The following NABP2 variants were observed in gnomAD, a reference collection of about 807,000 sequenced individuals.
NABP2 encodes nucleic acid binding protein 2.
NABP2 carries 7 observed loss-of-function variants against 22.7 expected under a neutral mutation model. The ratio of observed to expected loss-of-function variants is 0.31; its 90% CI spans 0.18 to 0.58. The LOEUF is 0.58. NABP2 is among the 20% of genes least tolerant of loss of function. The probability of loss-of-function intolerance (pLI) is 0.89; values close to 1 mark genes in which losing one functional copy is unlikely to be tolerated. For synonymous variants in NABP2, 107 were observed against 99.2 expected (o/e 1.08, Z -0.47); for missense variants, 188 against 265.9 (o/e 0.71, Z 2.04).
chr12:56,229,087 T>TTGGGGGCCCCCCC lies in NABP2; in HGVS notation c.510_511insTGGGGGCCCCCCC (p.Pro171TrpfsTer34). The TTGGGGGCCCCCCC allele has an allele frequency of 6.6e-7, 1 of 1,512,344 alleles. No homozygotes were observed. The highest frequency in any genetic ancestry group is 9.1e-7 in the Non-Finnish European group (1 of 1,102,012). 93.7% of individuals were successfully genotyped at this position (1,512,344 alleles called of 1,614,324 possible). On this transcript the variant is annotated frameshift_variant, in exon 7 of 7. Transcript: ENST00000267023. LOFTEE classifies it high-confidence loss of function. ...GTGGTGGCCCACATCCCCCTCATAC[T>TTGGGGGCCCCCCC]CCCTCCCACCCACCCAGCACCCGAA...
chr12:56,229,087 T>TTGGC lies in NABP2; in HGVS notation c.510_511insTGGC (p.Pro171TrpfsTer31). On this transcript the variant is annotated frameshift_variant, in exon 7 of 7. Coordinates refer to ENST00000267023, the MANE Select transcript of NABP2 (RefSeq NM_024068.4). LOFTEE classifies it high-confidence loss of function. Reference sequence around the variant, plus strand: ...GTGGTGGCCCACATCCCCCTCATACTCCCTCCCACCCACCCAGCACCCGAA... The same window carrying TTGGC: ...GTGGTGGCCCACATCCCCCTCATACTTGGCCCCTCCCACCCACCCAGCACCCGAA... 25 of 1,512,208 alleles carry TTGGC rather than the reference T, an allele frequency of 1.7e-5. No individual in the cohort carries two copies. Among genetic ancestry groups the TTGGC allele is most frequent in the East Asian group, 2.3e-5 (1 of 43,520 alleles). The allele number at this position is 1,512,208 out of a possible 1,614,324, so 93.7% of individuals were successfully genotyped here. A position where few individuals can be genotyped will look rare whatever the true frequency, so the allele number is the denominator to read the frequency against.
intron 3 of NABP2, 30 bp from the exon 4 acceptor site, chr12:56,225,594 A>T: frequency 6.2e-7 from 1 of 1,614,156 alleles, no homozygotes; most frequent in Non-Finnish European, 8.5e-7. Context: ...ACTTCTGAGT[A>T]CTGAATTTTG....
intron 2 of NABP2, among the ~76,000 whole-genome samples, chr12:56,225,172 A>G (rs1006996692): frequency 6.6e-6 from 1 of 151,994 alleles, no homozygotes; most frequent in African/African-American, 2.4e-5. Context: ...GGCCCTCTCC[A>G]TGGTGCTGGC....
upstream of NABP2, among the ~76,000 whole-genome samples, chr12:56,223,017 C>G (rs1371387620): frequency 6.6e-6 from 1 of 152,104 alleles, no homozygotes; most frequent in African/African-American, 2.4e-5. Context: ...TGGTGGATCA[C>G]GAGGTCAGGA....
At position 56,229,162 on chromosome 12, in the gene NABP2, C is replaced by T. The variant is rs768008120; in HGVS notation, c.585C>T (p.Ser195=). Residue 195 remains serine (S), a synonymous_variant, in exon 7 of 7, where the codon TCC becomes TCT. Transcript: ENST00000267023. ...CACCTGCAGGCCCGCCTGGCCCTTC[C>T]AGCAACCCTGTTAGTAACGGCAAAG... ...NHTPAGPPGP[S]SNPVSNGKET... The T allele has an allele frequency of 2.4e-5, 39 of 1,611,754 alleles. No homozygotes were observed. Among genetic ancestry groups the T allele is most frequent in the Non-Finnish European group, 3.3e-5 (39 of 1,179,480 alleles).
chr12:56,228,997 TCTC>T lies in NABP2; in HGVS notation c.437-12_437-10del. Reference sequence around the variant, plus strand: ...TATGTTAACTAATTCCTTTGTTTCTTCTCCTCCCACAATTAGCCTCTGAGAACC... The same window carrying T: ...TATGTTAACTAATTCCTTTGTTTCTTCTCCCACAATTAGCCTCTGAGAACC... On this transcript the variant is annotated splice_polypyrimidine_tract_variant and intron_variant, in intron 6 of 6. Coordinates refer to ENST00000267023, the MANE Select transcript of NABP2 (RefSeq NM_024068.4). 1.2e-6 allele frequency: 2 copies of T among 1,605,652 alleles called. No individual in the cohort carries two copies. Among genetic ancestry groups the T allele is most frequent in the Middle Eastern group, 1.7e-4 (1 of 6,054 alleles).
intron 2 of NABP2, 28 bp from the exon 3 acceptor site, chr12:56,225,345 C>G: frequency 1.9e-6 from 3 of 1,613,846 alleles, no homozygotes; most frequent in East Asian, 2.2e-5. Flanking sequence ...TGACCATCCT[C>G]CCACCTCGAT....
Position 56,229,087 on chromosome 12 carries a change from TCCCTC to T in NABP2, c.513_517del (p.Ser172ProfsTer27). The T allele has an allele frequency of 6.6e-7, 1 of 1,512,342 alleles. No homozygotes were observed. The highest frequency in any genetic ancestry group is 9.1e-7 in the Non-Finnish European group (1 of 1,102,010). 93.7% of individuals were successfully genotyped at this position (1,512,342 alleles called of 1,614,324 possible). On this transcript the variant is annotated frameshift_variant, in exon 7 of 7. Coordinates refer to ENST00000267023, the MANE Select transcript of NABP2 (RefSeq NM_024068.4). LOFTEE classifies it high-confidence loss of function. ...GTGGTGGCCCACATCCCCCTCATAC[TCCCTC>T]CCACCCACCCAGCACCCGAATCACT...
Position 56,229,095 on chromosome 12 carries a change from A to ACCCC in NABP2, c.521_522insCCCC (p.Ser176ThrfsTer26). 1 of 406,838 alleles carries ACCCC rather than the reference A, an allele frequency of 2.5e-6. No homozygotes were observed. Among genetic ancestry groups the ACCCC allele is most frequent in the Non-Finnish European group, 4.5e-6 (1 of 223,028 alleles). 25.2% of individuals were successfully genotyped at this position (406,838 alleles called of 1,614,324 possible). A position where few individuals can be genotyped will look rare whatever the true frequency, so the allele number is the denominator to read the frequency against. On this transcript the variant is annotated frameshift_variant, in exon 7 of 7. Coordinates refer to ENST00000267023, the MANE Select transcript of NABP2 (RefSeq NM_024068.4). LOFTEE classifies it high-confidence loss of function. ...CCACATCCCCCTCATACTCCCTCCC[A>ACCCC]CCCACCCAGCACCCGAATCACTCGA...
chr12:56,225,368 T>A lies in NABP2; in HGVS notation c.80-5T>A. ...CTCCCACCTCGATTTATCTGTTCCG[T>A]TCAGGCCGAGTGACCAAGACAAAGG... On this transcript the variant is annotated splice_polypyrimidine_tract_variant and splice_region_variant and intron_variant, in intron 2 of 6. Coordinates refer to ENST00000267023, the MANE Select transcript of NABP2 (RefSeq NM_024068.4). 1 of 1,614,212 alleles carries A rather than the reference T, an allele frequency of 6.2e-7. No individual in the cohort carries two copies.
rs753254008 is a variant in NABP2 at position 56,226,403 on chromosome 12, C to A, written c.420C>A (p.Pro140=). The A allele has an allele frequency of 2.5e-6, 4 of 1,613,270 alleles. No homozygotes were observed. In the Admixed American group the frequency reaches 6.7e-5, roughly 27 times the overall value. The change falls in exon 6 of 7, where the codon CCC becomes CCA. Residue 140 remains proline (P), a synonymous_variant. Transcript: ENST00000267023. ...CAGCTTCCCAGCCTACCACTGGACC[C>A]TCTGCTGCCTCTCCAGGTAAATCTG... The part of the protein sequence containing the change: ...NPSASQPTTG[P]SAASPASENQ...
chr12:56,225,200 C>A (rs58349500), intron 2 of NABP2, among the ~76,000 whole-genome samples, 173 bp from the exon 3 acceptor site: 6,573 of 152,142 alleles, frequency 0.043, 489 homozygotes, highest in African/African-American at 0.15. Flanking sequence ...CTCCCACCTC[C>A]ACCCTCCACC....
chr12:56,228,870 CTT>C (rs994649331), intron 6 of NABP2, 142 bp from the exon 7 acceptor site: 4 of 740,186 alleles, frequency 5.4e-6, no homozygotes, highest in African/African-American at 1.7e-5. Flanking sequence ...AGCCCACAGT[CTT>C]TTGCATTTGG....
chr12:56,224,305 G>A (rs1031299975), upstream of NABP2: 1 of 986,556 alleles, frequency 1.0e-6, no homozygotes, highest in African/African-American at 1.7e-5. Context: ...CTGATTGGCC[G>A]GAGGAGGCCA....
chr12:56,228,304 GC>G (rs1462965850), intron 6 of NABP2, among the ~76,000 whole-genome samples: 15 of 150,976 alleles, frequency 9.9e-5, no homozygotes, highest in Non-Finnish European at 5.9e-5. Flanking sequence ...TTTTTTAAGT[GC>G]CTCATATTTT....
rs374241808 is a variant in NABP2, at chr12:56,226,267, C to T, written c.372+7C>T. ...GCAGGCACCCAACAAGGCGGTGAGT[C>T]CTGTGGCCACAATGGTGGGAAAGGA... On this transcript the variant is annotated splice_region_variant and intron_variant, in intron 5 of 6. Coordinates refer to ENST00000267023, the MANE Select transcript of NABP2 (RefSeq NM_024068.4). The T allele has an allele frequency of 1.2e-6, 2 of 1,614,108 alleles. No individual in the cohort carries two copies. The highest frequency in any genetic ancestry group is 1.7e-6 in the Non-Finnish European group (2 of 1,180,016).
chr12:56,223,254 T>C (rs1248794541), upstream of NABP2, among the ~76,000 whole-genome samples: 3 of 151,494 alleles, frequency 2.0e-5, no homozygotes, highest in East Asian at 5.8e-4. Context: ...GGTGGAGCGG[T>C]GGGGCGGGGC....
chr12:56,224,961 G>C, intron 2 of NABP2, 26 bp downstream of exon 2: 32 of 1,542,148 alleles, frequency 2.1e-5, no homozygotes, highest in Non-Finnish European at 2.7e-5. Context: ...TGGCGGGTTC[G>C]CGGGATGGGG....
intron 1 of NABP2, 111 bp from the exon 2 acceptor site, chr12:56,224,723 A>G: frequency 9.7e-7 from 1 of 1,032,526 alleles, no homozygotes; most frequent in Non-Finnish European, 1.5e-6. Context: ...GAAGGGTTAG[A>G]GGGGTTGAGG....
Sources: gnomAD v4.1 joint callset for allele counts (sites outside exome capture counted in the v4.1 genomes callset) on GRCh38, gnomAD v4.1.1 for gene constraint, MANE v1.5 for transcripts, NCBI Gene and HGNC (gene_info 2026-07-23, HGNC 2026-07-21) for gene names.